Variants in KALRN observed in about 807,000 individuals in gnomAD.
KALRN encodes kalirin RhoGEF kinase.
Under a neutral mutation model 353.7 loss-of-function variants are expected in KALRN, and 70 were observed. The ratio of observed to expected loss-of-function variants is 0.20; its 90% CI spans 0.16 to 0.24. The LOEUF is 0.24. KALRN is among the 10% of genes least tolerant of loss of function. KALRN has a pLI of 1.00. For missense variants in KALRN, 2,791 were observed against 3,756.7 expected, an observed-to-expected ratio of 0.74 and a Z score of 6.72; for synonymous variants, 1,391 against 1,434.8, an observed-to-expected ratio of 0.97 and a Z score of 0.69.
intron 25 of KALRN, among the ~76,000 whole-genome samples, chr3:124,471,006 T>C (rs1463884422): frequency 6.6e-6 from 1 of 152,096 alleles, no homozygotes; most frequent in Non-Finnish European, 1.5e-5. Flanking sequence ...AGGATATGGT[T>C]TAGGAGAAAG....
intron 28 of KALRN, among the ~76,000 whole-genome samples, chr3:124,485,169 TATGGTTTTGA>T (rs1382188460): frequency 6.6e-6 from 1 of 152,208 alleles, no homozygotes; most frequent in Non-Finnish European, 1.5e-5. Context: ...AATTGATTTT[TATGGTTTTGA>T]ATGTATGTAT....
At chr3:124,097,641 A>G (rs2061543028) in intron 1 of KALRN, among the ~76,000 whole-genome samples, 1 of 152,242 alleles carries the variant, frequency 6.6e-6, no homozygotes, top group South Asian at 2.1e-4. Flanking sequence ...CACATCATGG[A>G]GCTGAAATAA....
chr3:124,678,334 C>T (rs764517289), intron 50 of KALRN, 21 bp downstream of exon 50: 25 of 1,611,860 alleles, frequency 1.6e-5, no homozygotes. Context: ...TATTCCGGAG[C>T]TGCGTCCCCA....
In KALRN at chr3:124,674,592, G is replaced by GAA; in HGVS notation, c.7173_7174dup (p.Ser2392LysfsTer18). ...GCCCCTCACCAAAGCCACAGCAGCAGAAAGTAGTGACGGGAGCATCAAGTA... is the reference window on the plus strand; with the variant it reads ...GCCCCTCACCAAAGCCACAGCAGCAGAAAAAGTAGTGACGGGAGCATCAAGTA... On this transcript the variant is annotated frameshift_variant, in exon 49 of 60. Transcript: ENST00000682506. LOFTEE classifies it high-confidence loss of function. 1 of 1,602,816 alleles carries GAA rather than the reference G, an allele frequency of 6.2e-7. No homozygotes were observed. The highest frequency in any genetic ancestry group is 8.5e-7 in the Non-Finnish European group (1 of 1,173,048).
intron 58 of KALRN, among the ~76,000 whole-genome samples, chr3:124,713,671 A>G (rs2062998273): frequency 6.6e-6 from 1 of 152,206 alleles, no homozygotes; most frequent in South Asian, 2.1e-4. Flanking sequence ...ATAAAGCAAT[A>G]ATGTCCCTTT....
At position 124,234,819 on chromosome 3, in the gene KALRN, C is replaced by T. The variant is rs777757878; in HGVS notation, c.149-10C>T. On this transcript the variant is annotated splice_polypyrimidine_tract_variant and intron_variant, in intron 2 of 59. Transcript: ENST00000682506. ...TTTCTTAAACACTCTTCTCTTCCTC[C>T]TTCTTGCAGGGGGTCGTGATAAGCG... The T allele has an allele frequency of 1.8e-5, 29 of 1,578,974 alleles. No homozygotes were observed. The Admixed American group carries it at 5.0e-4, about 27-fold the overall frequency.
At chr3:124,550,444 A>T (rs1577910329) in intron 33 of KALRN, among the ~76,000 whole-genome samples, 1 of 152,126 alleles carries the variant, frequency 6.6e-6, no homozygotes, top group East Asian at 1.9e-4. Context: ...CATCCAGGAA[A>T]CATGTATTGG....
chr3:124,385,355 A>C (rs985227263), intron 11 of KALRN, among the ~76,000 whole-genome samples: 5 of 152,128 alleles, frequency 3.3e-5, no homozygotes. Context: ...TGCAAGAAGA[A>C]ATGTAAGAGG....
chr3:124,570,513 C>T (rs1449526974), intron 34 of KALRN, among the ~76,000 whole-genome samples: 2 of 152,156 alleles, frequency 1.3e-5, no homozygotes, highest in Non-Finnish European at 2.9e-5. Context: ...TTTATATTAG[C>T]ATAGCTGAAT....
At chr3:124,670,293 T>G (rs1252443843) in intron 47 of KALRN, among the ~76,000 whole-genome samples, 1 of 152,230 alleles carries the variant, frequency 6.6e-6, no homozygotes, top group African/African-American at 2.4e-5. Context: ...CCTTCCCATA[T>G]ATTTTCAATC....
At chr3:124,463,852 A>G (rs1261561548) in intron 25 of KALRN, among the ~76,000 whole-genome samples, 2 of 152,194 alleles carry the variant, frequency 1.3e-5, no homozygotes, top group African/African-American at 4.8e-5. Context: ...AGAACATAAT[A>G]TATGTAGCTC....
intron 33 of KALRN, among the ~76,000 whole-genome samples, chr3:124,522,145 CTTTA>C (rs1457267384): frequency 1.3e-5 from 2 of 151,506 alleles, no homozygotes; most frequent in African/African-American, 2.4e-5. Context: ...ACATCATTTT[CTTTA>C]TTTAGTGACA....
At chr3:124,161,462 C>A (rs931149354) in intron 1 of KALRN, among the ~76,000 whole-genome samples, 5 of 152,180 alleles carry the variant, frequency 3.3e-5, no homozygotes, top group African/African-American at 9.7e-5. Flanking sequence ...CGCTTCTCCC[C>A]CTCTACCCCT....
At chr3:124,422,371 T>C (rs1276486108) in intron 14 of KALRN, among the ~76,000 whole-genome samples, 3 of 152,142 alleles carry the variant, frequency 2.0e-5, no homozygotes, top group Non-Finnish European at 4.4e-5. Context: ...TGATAAATTA[T>C]ATCTGACCAG....
At position 124,696,310 on chromosome 3, in the gene KALRN, G is replaced by T. The variant is rs955768594; in HGVS notation, c.7699+55G>T. 5 of 1,552,816 alleles carry T rather than the reference G, an allele frequency of 3.2e-6. No homozygotes were observed. The Admixed American group carries it at 6.8e-5, about 21-fold the overall frequency. ...GAAATATATATATATTTTTAGACAG[G>T]TTCTTGCTCTGCTGCCCAGGCATGA... On this transcript the variant is annotated intron_variant, in intron 54 of 59. Coordinates refer to ENST00000682506, the MANE Select transcript of KALRN (RefSeq NM_001388419.1).
intron 27 of KALRN, among the ~76,000 whole-genome samples, chr3:124,479,843 C>A (rs948039773): frequency 6.6e-6 from 1 of 151,780 alleles, no homozygotes; most frequent in Non-Finnish European, 1.5e-5. Context: ...CCCTCCTCAG[C>A]CTCCCGAGTA....
chr3:124,531,992 A>G (rs1577765393), intron 33 of KALRN, among the ~76,000 whole-genome samples: 2 of 152,192 alleles, frequency 1.3e-5, no homozygotes, highest in African/African-American at 4.8e-5. Context: ...TAGAGAACCA[A>G]TTCTTAGGGT....
intron 34 of KALRN, among the ~76,000 whole-genome samples, chr3:124,615,896 C>A (rs2078531265): frequency 6.6e-6 from 1 of 152,078 alleles, no homozygotes; most frequent in African/African-American, 2.4e-5. Flanking sequence ...TTGTCTACTG[C>A]TTTTTCCTAA....
At chr3:124,115,226 G>C (rs555312756) in intron 1 of KALRN, among the ~76,000 whole-genome samples, 2 of 152,200 alleles carry the variant, frequency 1.3e-5, no homozygotes, top group African/African-American at 4.8e-5. Context: ...GGAATATTGA[G>C]AGAGAAAGCT....
Sources: allele counts gnomAD v4.1 joint callset (sites outside exome capture counted in the v4.1 genomes callset), GRCh38; gene constraint gnomAD v4.1.1; transcripts MANE v1.5; gene names NCBI Gene and HGNC (gene_info 2026-07-23, HGNC 2026-07-21).